ITGBL1: variants seen among roughly 807,000 people sequenced by gnomAD.
The protein encoded by ITGBL1 is integrin beta-like protein 1.
Under a neutral mutation model 68.5 loss-of-function variants are expected in ITGBL1, and 51 were observed. That is an observed-to-expected ratio of 0.74 (90% CI 0.59 to 0.94). The LOEUF is 0.94. Ranked by LOEUF, ITGBL1 falls within the 40% of genes least tolerant of loss-of-function variation. ITGBL1 has a pLI of 0.00. For missense variants in ITGBL1, 649 were observed against 647.4 expected, an observed-to-expected ratio of 1.00 and a Z score of -0.03; for synonymous variants, 209 against 227.3, an observed-to-expected ratio of 0.92 and a Z score of 0.72.
intron 7 of ITGBL1, among the ~76,000 whole-genome samples, chr13:101,658,990 A>G (rs1013154073): frequency 6.6e-6 from 1 of 151,194 alleles, no homozygotes; most frequent in African/African-American, 2.4e-5. Context: ...ACAAGTTTCT[A>G]TCTTAAACAT....
In ITGBL1 at chr13:101,585,582, C is replaced by T. The variant is rs550815018; in HGVS notation, c.868+2226C>T. ...AGCAGCTGGGGCTACAGGTGCCCAC[C>T]ACCACGCCCGGCTTATTTTTTTGTA... is the stretch of plus-strand genomic sequence containing the variant. On this transcript the variant is annotated intron_variant, in intron 6 of 10. Coordinates refer to ENST00000376180, the MANE Select transcript of ITGBL1 (RefSeq NM_004791.3). Among the ~76,000 whole-genome samples, 13 of 152,152 alleles carry T rather than the reference C, an allele frequency of 8.5e-5. No individual in the cohort carries two copies. In the South Asian group the frequency reaches 2.5e-3, roughly 29 times the overall value.
At chr13:101,693,620 G>GTCTATCTATCTATCTA (rs1422842721) in intron 8 of ITGBL1, among the ~76,000 whole-genome samples, 10 of 99,402 alleles carry the variant, frequency 1.0e-4, no homozygotes, top group African/African-American at 2.3e-4. Context: ...CTATCTGTCT[G>GTCTATCTATCTATCTA]TCTGTCTATC....
At chr13:101,689,028 T>G (rs2033818972) in intron 7 of ITGBL1, among the ~76,000 whole-genome samples, 1 of 116,550 alleles carries the variant, frequency 8.6e-6, no homozygotes, top group Non-Finnish European at 1.8e-5. Flanking sequence ...TGTAATCCTG[T>G]CTCTACTAAA....
At chr13:101,615,770 C>T (rs1051248119) in intron 7 of ITGBL1, among the ~76,000 whole-genome samples, 4 of 152,018 alleles carry the variant, frequency 2.6e-5, no homozygotes, top group Admixed American at 2.6e-4. Flanking sequence ...GCCGGGAAGA[C>T]AGAGACCATG....
chr13:101,645,889 A>T (rs997548092), intron 7 of ITGBL1, among the ~76,000 whole-genome samples: 19 of 152,090 alleles, frequency 1.2e-4, no homozygotes, highest in Non-Finnish European at 2.5e-4. Flanking sequence ...AGTGGGGAAA[A>T]ATCCTAGTAT....
intron 7 of ITGBL1, among the ~76,000 whole-genome samples, chr13:101,687,130 G>A (rs1430010689): frequency 6.6e-6 from 1 of 151,924 alleles, no homozygotes; most frequent in South Asian, 2.1e-4. Flanking sequence ...CACATTTTTT[G>A]GTAGTCAATA....
chr13:101,461,932 C>T (rs1382074087), intron 2 of ITGBL1, among the ~76,000 whole-genome samples: 1 of 152,152 alleles, frequency 6.6e-6, no homozygotes, highest in East Asian at 1.9e-4. Flanking sequence ...ATGGGACTTC[C>T]AGGGCCAAGG....
chr13:101,701,050 T>C (rs949836932), intron 8 of ITGBL1, among the ~76,000 whole-genome samples: 3 of 152,204 alleles, frequency 2.0e-5, no homozygotes, highest in African/African-American at 7.2e-5. Flanking sequence ...TCCTGATACA[T>C]AGAAAATATT....
At chr13:101,704,599 T>C (rs1290559168) in intron 8 of ITGBL1, among the ~76,000 whole-genome samples, 2 of 151,268 alleles carry the variant, frequency 1.3e-5, no homozygotes, top group Admixed American at 6.6e-5. Flanking sequence ...GGAGAGAAAG[T>C]GCCTGTGAAT....
intron 7 of ITGBL1, among the ~76,000 whole-genome samples, chr13:101,642,179 A>G (rs1566771440): frequency 6.6e-6 from 1 of 151,960 alleles, no homozygotes. Context: ...AGTCCCACCA[A>G]CAGTGTAAAA....
chr13:101,587,982 A>G (rs951104081), intron 6 of ITGBL1, among the ~76,000 whole-genome samples: 2 of 152,264 alleles, frequency 1.3e-5, no homozygotes, highest in African/African-American at 4.8e-5. Context: ...AGAAAGAAGT[A>G]TCCTCTAAAG....
At chr13:101,539,550 A>C (rs4264259) in intron 2 of ITGBL1, among the ~76,000 whole-genome samples, 122,690 of 151,800 alleles carry the variant, frequency 0.81, 49,824 homozygotes, top group African/African-American at 0.9. Flanking sequence ...GATTTATAGT[A>C]CTTTGGGTAT....
At chr13:101,717,082 C>T (rs1361771074), downstream of ITGBL1, 2 of 151,412 alleles carry the variant, frequency 1.3e-5, no homozygotes, top group Non-Finnish European at 2.9e-5. Context: ...AAATCATTTC[C>T]GTATTACTTT....
At chr13:101,627,800 AG>A (rs1180874497) in intron 7 of ITGBL1, among the ~76,000 whole-genome samples, 1 of 152,136 alleles carries the variant, frequency 6.6e-6, no homozygotes, top group Non-Finnish European at 1.5e-5. Flanking sequence ...TTTATTGCTG[AG>A]TAATACTGCC....
chr13:101,554,205 G>T (rs1249746738), intron 2 of ITGBL1, among the ~76,000 whole-genome samples: 1 of 152,104 alleles, frequency 6.6e-6, no homozygotes, highest in African/African-American at 2.4e-5. Context: ...TGGTACTGGG[G>T]TCTAAGTTTT....
At chr13:101,537,507 G>T (rs1168263115) in intron 2 of ITGBL1, among the ~76,000 whole-genome samples, 1 of 151,976 alleles carries the variant, frequency 6.6e-6, no homozygotes, top group Non-Finnish European at 1.5e-5. Context: ...CTTGGAAAAG[G>T]TCAAATTAAA....
intron 2 of ITGBL1, among the ~76,000 whole-genome samples, chr13:101,545,824 C>G (rs1308591263): frequency 6.6e-6 from 1 of 152,190 alleles, no homozygotes; most frequent in Non-Finnish European, 1.5e-5. Flanking sequence ...CAGCAAGCCT[C>G]TGACTGTTGT....
intron 7 of ITGBL1, among the ~76,000 whole-genome samples, chr13:101,677,585 A>G (rs756587818): frequency 6.6e-6 from 1 of 152,178 alleles, no homozygotes; most frequent in Non-Finnish European, 1.5e-5. Flanking sequence ...CAGAGCACAA[A>G]CGACCAACCT....
At chr13:101,636,679 G>A (rs1411408500) in intron 7 of ITGBL1, among the ~76,000 whole-genome samples, 1 of 152,130 alleles carries the variant, frequency 6.6e-6, no homozygotes, top group Non-Finnish European at 1.5e-5. Context: ...TGCATCTTGT[G>A]CTTTGCAGAA....
Sources: gnomAD v4.1 joint callset for allele counts (sites outside exome capture counted in the v4.1 genomes callset) on GRCh38, gnomAD v4.1.1 for gene constraint, MANE v1.5 for transcripts, NCBI Gene and HGNC (gene_info 2026-07-23, HGNC 2026-07-21) for gene names.